Variants in KCNN2 observed in about 807,000 individuals in gnomAD.
KCNN2 encodes the protein potassium calcium-activated channel subfamily N member 2.
In KCNN2, 24 loss-of-function variants were observed where a neutral mutation model predicts 55.5. That is an observed-to-expected ratio of 0.43 (90% CI 0.31 to 0.61). The LOEUF (loss-of-function observed/expected upper bound fraction) is 0.61. Ranked by LOEUF, KCNN2 falls within the 20% of genes least tolerant of loss-of-function variation. The probability of loss-of-function intolerance (pLI) is 0.08; values close to 1 mark genes in which losing one functional copy is unlikely to be tolerated. For missense variants in KCNN2, 754 were observed against 853.6 expected, an observed-to-expected ratio of 0.88 and a Z score of 1.45; for synonymous variants, 431 against 336.1, an observed-to-expected ratio of 1.28 and a Z score of -3.09.
intron 1 of KCNN2, among the ~76,000 whole-genome samples, chr5:114,157,091 G>A (rs1752651894): frequency 6.6e-6 from 1 of 151,374 alleles, no homozygotes; most frequent in Non-Finnish European, 1.5e-5. Flanking sequence ...TGCCATGTTT[G>A]TGTGCTGCAC....
intron 1 of KCNN2, among the ~76,000 whole-genome samples, chr5:114,104,657 C>A (rs746215276): frequency 2.6e-4 from 40 of 152,020 alleles, no homozygotes; most frequent in East Asian, 1.9e-4. Context: ...AAAATACATG[C>A]AAATCAGCAA....
chr5:114,064,975 C>A (rs1318794968), intron 1 of KCNN2, among the ~76,000 whole-genome samples: 1 of 152,040 alleles, frequency 6.6e-6, no homozygotes, highest in African/African-American at 2.4e-5. Flanking sequence ...CTGTTCAACC[C>A]CAGAGAATCA....
At chr5:114,175,722 TG>T (rs1753120248) in intron 1 of KCNN2, among the ~76,000 whole-genome samples, 1 of 152,170 alleles carries the variant, frequency 6.6e-6, no homozygotes, top group African/African-American at 2.4e-5. Context: ...TGACCAAAAA[TG>T]AAATTAAATC....
chr5:114,335,801 AAGAGGTTC>A (rs1284840668), intron 2 of KCNN2, among the ~76,000 whole-genome samples: 1 of 152,176 alleles, frequency 6.6e-6, no homozygotes, highest in Admixed American at 6.5e-5. Context: ...GAAATATGGG[AAGAGGTTC>A]AGAATCACAC....
chr5:114,452,474 G>A (rs1760736047), intron 3 of KCNN2, among the ~76,000 whole-genome samples: 1 of 152,106 alleles, frequency 6.6e-6, no homozygotes, highest in Admixed American at 6.5e-5. Context: ...TCTCATGAAT[G>A]CTTACTATTT....
chr5:114,061,897 T>A (rs1750339541), intron 1 of KCNN2, among the ~76,000 whole-genome samples: 1 of 152,180 alleles, frequency 6.6e-6, no homozygotes, highest in East Asian at 1.9e-4. Context: ...ACGAAGCTTG[T>A]CCAGTCAACT....
chr5:114,410,573 G>T (rs925271478), intron 3 of KCNN2, among the ~76,000 whole-genome samples: 1 of 152,078 alleles, frequency 6.6e-6, no homozygotes. Context: ...GAACTTTTCT[G>T]CACAGTTTGG....
chr5:114,370,763 A>G (rs1757739166), intron 2 of KCNN2, among the ~76,000 whole-genome samples: 3 of 152,020 alleles, frequency 2.0e-5, no homozygotes, highest in Admixed American at 1.3e-4. Context: ...ATGGGAGGGG[A>G]TAAAGGGGCC....
chr5:114,113,663 A>T (rs901576), intron 1 of KCNN2, among the ~76,000 whole-genome samples: 57,285 of 151,958 alleles, frequency 0.38, 11,260 homozygotes, highest in South Asian at 0.44. Flanking sequence ...GTGACAAGGC[A>T]AAGGAAAGAT....
chr5:114,168,130 T>A (rs1370327690), intron 1 of KCNN2, among the ~76,000 whole-genome samples: 1 of 150,222 alleles, frequency 6.7e-6, no homozygotes, highest in African/African-American at 2.4e-5. Flanking sequence ...TAGCATTATA[T>A]ATGTGTGTAT....
intron 2 of KCNN2, among the ~76,000 whole-genome samples, chr5:114,240,593 G>A (rs375223934): frequency 2.5e-4 from 38 of 151,944 alleles, no homozygotes; most frequent in Admixed American, 5.9e-4. Flanking sequence ...CACCATGCCC[G>A]TCTAATTTTT....
At chr5:114,384,352 A>T (rs1758214848) in intron 2 of KCNN2, among the ~76,000 whole-genome samples, 2 of 152,212 alleles carry the variant, frequency 1.3e-5, no homozygotes, top group Admixed American at 6.5e-5. Context: ...TGAAATATGT[A>T]TTATTTATTC....
chr5:114,321,694 G>A (rs9326923), intron 2 of KCNN2, among the ~76,000 whole-genome samples: 44,875 of 151,516 alleles, frequency 0.3, 7,637 homozygotes, highest in East Asian at 0.8. Context: ...TTTGAGAGGG[G>A]GTCTTTGTTC....
chr5:114,068,760 CTTGCTTTTCT>C (rs1750503891), intron 1 of KCNN2, among the ~76,000 whole-genome samples: 1 of 152,130 alleles, frequency 6.6e-6, no homozygotes, highest in African/African-American at 2.4e-5. Flanking sequence ...GGTCAAATTG[CTTGCTTTTCT>C]TTGCTTTTGC....
intron 1 of KCNN2, among the ~76,000 whole-genome samples, chr5:114,201,165 T>C (rs1753666686): frequency 6.6e-6 from 1 of 152,056 alleles, no homozygotes. Context: ...GAAGCTGCAA[T>C]GAATTCGTGG....
chr5:114,398,207 A>G (rs992504181), intron 2 of KCNN2, among the ~76,000 whole-genome samples: 2 of 152,146 alleles, frequency 1.3e-5, no homozygotes, highest in Admixed American at 1.3e-4. Context: ...ATTTTTGTAT[A>G]TTGTATAAAG....
chr5:114,233,124 T>C (rs1048224209), intron 2 of KCNN2, among the ~76,000 whole-genome samples: 1 of 148,388 alleles, frequency 6.7e-6, no homozygotes, highest in Admixed American at 6.7e-5. Context: ...GTTTCACCGT[T>C]TTAGCCGGGA....
At chr5:114,099,546 A>G (rs1751332836) in intron 1 of KCNN2, among the ~76,000 whole-genome samples, 1 of 152,154 alleles carries the variant, frequency 6.6e-6, no homozygotes, top group Admixed American at 6.6e-5. Flanking sequence ...GTGCAATCAT[A>G]GCATACTATA....
intron 2 of KCNN2, among the ~76,000 whole-genome samples, chr5:114,382,378 G>A (rs911216847): frequency 7.2e-5 from 11 of 152,120 alleles, no homozygotes; most frequent in South Asian, 4.1e-4. Flanking sequence ...GTAAATTTTT[G>A]TCTGTAGTGG....
Sources: allele counts gnomAD v4.1 joint callset (sites outside exome capture counted in the v4.1 genomes callset), GRCh38; gene constraint gnomAD v4.1.1; transcripts MANE v1.5; gene names NCBI Gene and HGNC (gene_info 2026-07-23, HGNC 2026-07-21).